B4GALT1: variants seen among roughly 807,000 people sequenced by gnomAD.
B4GALT1 encodes the protein N-acetyllactosamine synthase.
B4GALT1 carries 16 observed loss-of-function variants against 34.9 expected under a neutral mutation model. That is an observed-to-expected ratio of 0.46 (90% confidence interval 0.31 to 0.70). The LOEUF (loss-of-function observed/expected upper bound fraction) is 0.70. Ranked by LOEUF, B4GALT1 falls within the 30% of genes least tolerant of loss-of-function variation. The pLI, the probability that B4GALT1 is intolerant of heterozygous loss-of-function variation, is 0.05. For missense variants in B4GALT1, 445 were observed against 530.5 expected (o/e 0.84, Z 1.58); for synonymous variants, 221 against 218.1 (o/e 1.01, Z -0.12).
chr9:33,152,830 G>C (rs1210937630), intron 1 of B4GALT1, among the ~76,000 whole-genome samples: 1 of 151,872 alleles, frequency 6.6e-6, no homozygotes, highest in African/African-American at 2.4e-5. Flanking sequence ...GCCAAGATCG[G>C]ACAACTGCAC....
chr9:33,177,753 TG>T, the B4GALT1 span, among the ~76,000 whole-genome samples: 1 of 152,228 alleles, frequency 6.6e-6, no homozygotes, highest in Non-Finnish European at 1.5e-5. Context: ...AGTGGTTTTC[TG>T]CTTCACAGAG....
chr9:33,105,825 G>A (rs1323055196), downstream of B4GALT1, among the ~76,000 whole-genome samples: 2 of 145,220 alleles, frequency 1.4e-5, no homozygotes, highest in East Asian at 2.0e-4. Flanking sequence ...AAGGCTGACC[G>A]ATATTCCATT....
At chr9:33,143,881 C>CT (rs72218508) in intron 1 of B4GALT1, among the ~76,000 whole-genome samples, 67,976 of 145,462 alleles carry the variant, frequency 0.47, 16,090 homozygotes, top group African/African-American at 0.6. Flanking sequence ...GTTTGAATAT[C>CT]TTTTTTTTTT....
the B4GALT1 span, among the ~76,000 whole-genome samples, chr9:33,184,336 A>C: frequency 6.6e-6 from 1 of 151,814 alleles, no homozygotes; most frequent in East Asian, 1.9e-4. Flanking sequence ...AGTTTCCAGC[A>C]TCCACTGGGG....
chr9:33,182,342 T>A, the B4GALT1 span, among the ~76,000 whole-genome samples: 2 of 152,328 alleles, frequency 1.3e-5, no homozygotes, highest in Non-Finnish European at 2.9e-5. Flanking sequence ...CATCTTGGCT[T>A]AACTAATTGC....
chr9:33,120,331 A>G, intron 3 of B4GALT1, 88 bp downstream of exon 3: 1 of 1,439,270 alleles, frequency 6.9e-7, no homozygotes, highest in Non-Finnish European at 9.8e-7. Context: ...GAGCTTAAAG[A>G]GGCACTCTTG....
chr9:33,116,377 G>A (rs1191263819), intron 3 of B4GALT1, among the ~76,000 whole-genome samples: 2 of 151,942 alleles, frequency 1.3e-5, no homozygotes, highest in African/African-American at 4.8e-5. Context: ...GACTACAGGC[G>A]CCTGCCACCA....
downstream of B4GALT1, among the ~76,000 whole-genome samples, chr9:33,109,757 A>T (rs1050652269): frequency 6.6e-6 from 1 of 152,250 alleles, no homozygotes; most frequent in Non-Finnish European, 1.5e-5. Context: ...CTCCAGGCAG[A>T]CAGTGTCAGA....
intron 3 of B4GALT1, among the ~76,000 whole-genome samples, chr9:33,120,163 G>A (rs1334823831): frequency 6.6e-6 from 1 of 151,498 alleles, no homozygotes; most frequent in Non-Finnish European, 1.5e-5. Context: ...CAGCCTGGGT[G>A]ACAGAGCCAG....
At chr9:33,183,033 C>T in the B4GALT1 span, among the ~76,000 whole-genome samples, 2 of 152,190 alleles carry the variant, frequency 1.3e-5, no homozygotes, top group Admixed American at 6.5e-5. Flanking sequence ...CATCGCTTTC[C>T]GATGTCTCAG....
chr9:33,165,250 G>A (rs751741342), intron 1 of B4GALT1, among the ~76,000 whole-genome samples: 28 of 152,036 alleles, frequency 1.8e-4, no homozygotes, highest in Non-Finnish European at 3.2e-4. Context: ...TTACAGGCGT[G>A]AGCCACCATG....
intron 1 of B4GALT1, among the ~76,000 whole-genome samples, chr9:33,156,221 C>T (rs903647316): frequency 6.6e-6 from 1 of 151,964 alleles, no homozygotes; most frequent in Non-Finnish European, 1.5e-5. Flanking sequence ...GCAACCTCCG[C>T]CTCCCAGGTT....
At chr9:33,139,118 C>T (rs1840311643) in intron 1 of B4GALT1, among the ~76,000 whole-genome samples, 1 of 152,180 alleles carries the variant, frequency 6.6e-6, no homozygotes, top group Admixed American at 6.5e-5. Context: ...TGATATGTAT[C>T]AAGACCACTT....
rs562932219 is a variant in B4GALT1 at position 33,134,260 on chromosome 9, ATCC to A, written c.648+926_648+928del. Among the ~76,000 whole-genome samples the A allele has an allele frequency of 5.3e-5, 8 of 152,238 alleles. No homozygotes were observed. In the South Asian group the frequency reaches 1.5e-3, roughly 28 times the overall value. ...TGATGGAAGCCGTAAACTGCCAACA[ATCC>A]TCCTACCTAAAGCAGAGTTTATCTC... is the stretch of plus-strand genomic sequence containing the variant. On this transcript the variant is annotated intron_variant, in intron 2 of 5. Coordinates refer to ENST00000379731, the MANE Select transcript of B4GALT1 (RefSeq NM_001497.4).
At chr9:33,129,571 C>A (rs1282286688) in intron 2 of B4GALT1, among the ~76,000 whole-genome samples, 2 of 152,196 alleles carry the variant, frequency 1.3e-5, no homozygotes, top group Admixed American at 1.3e-4. Flanking sequence ...CACTCACTGA[C>A]TGCGTCTGTA....
intron 2 of B4GALT1, among the ~76,000 whole-genome samples, chr9:33,133,060 G>A (rs1840217471): frequency 1.3e-5 from 2 of 152,006 alleles, no homozygotes; most frequent in Non-Finnish European, 2.9e-5. Flanking sequence ...CCACCACTAT[G>A]TCCAGCTAAT....
At chr9:33,169,126 C>T (rs1158507649), upstream of B4GALT1, among the ~76,000 whole-genome samples, 1 of 152,204 alleles carries the variant, frequency 6.6e-6, no homozygotes, top group African/African-American at 2.4e-5. Flanking sequence ...AATTGGTCAC[C>T]CTGCTTCCAC....
intron 1 of B4GALT1, among the ~76,000 whole-genome samples, chr9:33,157,427 A>G (rs1840612262): frequency 6.6e-6 from 1 of 152,256 alleles, no homozygotes. Flanking sequence ...TATCGACGAT[A>G]GTGAAACCTG....
chr9:33,165,599 A>C (rs1316104889), intron 1 of B4GALT1, among the ~76,000 whole-genome samples: 1 of 152,272 alleles, frequency 6.6e-6, no homozygotes, highest in Admixed American at 6.5e-5. Flanking sequence ...ATTGAGCAAG[A>C]GTATGTAGTA....
Sources: gnomAD v4.1 joint callset for allele counts (sites outside exome capture counted in the v4.1 genomes callset) on GRCh38, gnomAD v4.1.1 for gene constraint, MANE v1.5 for transcripts, NCBI Gene and HGNC (gene_info 2026-07-23, HGNC 2026-07-21) for gene names.